The following ZNF385C variants were observed in gnomAD, a reference collection of about 807,000 sequenced individuals.
The protein encoded by ZNF385C is CTD-2132N18.2.
ZNF385C carries 28 observed loss-of-function variants against 35.4 expected under a neutral mutation model. The ratio of observed to expected loss-of-function variants is 0.79; its 90% confidence interval spans 0.59 to 1.08. The LOEUF (loss-of-function observed/expected upper bound fraction) is 1.08, where lower values mean the gene tolerates loss of function less well. Among genes scored for constraint, ZNF385C ranks in the 50% least tolerant of loss-of-function variants. ZNF385C has a pLI of 0.00. For missense variants in ZNF385C, 605 were observed against 595.6 expected (o/e 1.02, Z -0.16); for synonymous variants, 248 against 248.2 (o/e 1.00, Z 0.01).
Position 42,034,295 on chromosome 17 carries a change from C to G in ZNF385C, c.440G>C (p.Gly147Ala). Reference protein sequence around the residue: ...VQKAVISHTFGVPSPLKKKLF... With the variant: ...VQKAVISHTFAVPSPLKKKLF... Reference sequence around the variant, plus strand: ...CTTCTTCTTCAGAGGGGAGGGGACACCAAACGTGTGGCTGATGACAGCTTT... The same window carrying G: ...CTTCTTCTTCAGAGGGGAGGGGACAGCAAACGTGTGGCTGATGACAGCTTT... The change falls in exon 4 of 9, where the codon GGT becomes GCT. Residue 147 changes from glycine (G) to alanine (A), a missense_variant. Coordinates refer to ENST00000692273, the MANE Select transcript of ZNF385C (RefSeq NM_001392013.1). The G allele has an allele frequency of 1.3e-6, 2 of 1,550,620 alleles. No individual in the cohort carries two copies. Among genetic ancestry groups the G allele is most frequent in the Non-Finnish European group, 1.7e-6 (2 of 1,147,016 alleles).
Position 42,028,182 on chromosome 17 carries a change from C to T in ZNF385C, c.1032G>A (p.Pro344=), listed in dbSNP as rs781833367. The T allele has an allele frequency of 1.5e-5, 24 of 1,594,676 alleles. No individual in the cohort carries two copies. The highest frequency in any genetic ancestry group is 6.7e-5 in the East Asian group (3 of 44,552). ...RGAPRRSRGR[P]VSRGGAGHKA... ...TGTGTCCGGCACCTCCCCTGGACAC[C>T]GGGCGGCCCCGGCTCCTCCGGGGAG... Residue 344 remains proline (P), a synonymous_variant, in exon 7 of 9, where the codon CCG becomes CCA. Transcript: ENST00000692273.
chr17:42,049,208 C>A (rs1327844957), intron 2 of ZNF385C, among the ~76,000 whole-genome samples: 6 of 152,182 alleles, frequency 3.9e-5, no homozygotes. Flanking sequence ...CTTTACCTGG[C>A]CTGTTTCATT....
At position 42,095,504 on chromosome 17, in the gene ZNF385C, C is replaced by T. The variant is rs557454715; in HGVS notation, c.-3+2906G>A. Among the ~76,000 whole-genome samples, 5 of 152,134 alleles carry T rather than the reference C, an allele frequency of 3.3e-5. No homozygotes were observed. Among genetic ancestry groups the T allele is most frequent in the Admixed American group, 6.5e-5 (1 of 15,274 alleles). ...CTAGCTTCCATCCCTCCTGCTGCTGCGGCCCCATTTAGCTCTCTCCTTGCT... is the reference window on the plus strand; with the variant it reads ...CTAGCTTCCATCCCTCCTGCTGCTGTGGCCCCATTTAGCTCTCTCCTTGCT... On this transcript the variant is annotated intron_variant, in intron 1 of 8. Transcript: ENST00000692273. The surrounding 1 kb of genome is among the most constrained non-coding windows in gnomAD (Gnocchi z 4.4).
In ZNF385C at chr17:42,026,845, G is replaced by A. The variant is rs534348781; in HGVS notation, c.*52C>T. The A allele has an allele frequency of 1.1e-5, 17 of 1,503,658 alleles. No individual in the cohort carries two copies. In the East Asian group the frequency reaches 3.6e-4, roughly 32 times the overall value. 93.1% of individuals were successfully genotyped at this position (1,503,658 alleles called of 1,614,324 possible). On this transcript the variant is annotated 3_prime_UTR_variant, in exon 9 of 9. Coordinates refer to ENST00000692273, the MANE Select transcript of ZNF385C (RefSeq NM_001392013.1). Reference sequence around the variant, plus strand: ...AGGAAACCAAGGTGTCTCAGGACAGGAGGAGACAAGGAGTGGCTATTGGGA... The same window carrying A: ...AGGAAACCAAGGTGTCTCAGGACAGAAGGAGACAAGGAGTGGCTATTGGGA...
At chr17:42,084,945 T>G (rs782266300) in intron 1 of ZNF385C, among the ~76,000 whole-genome samples, 38 of 152,132 alleles carry the variant, frequency 2.5e-4, no homozygotes, top group Non-Finnish European at 5.0e-4. Context: ...GTTCAATATT[T>G]TCCATATTTT....
At chr17:42,062,694 A>C (rs1555658090) in intron 2 of ZNF385C, 113 bp downstream of exon 2, 1 of 428,292 alleles carries the variant, frequency 2.3e-6, no homozygotes, top group East Asian at 3.5e-5. Context: ...AGGGCACCCC[A>C]GACGCAAAGA....
chr17:42,072,912 G>A (rs1423921962), intron 1 of ZNF385C, among the ~76,000 whole-genome samples: 1 of 152,156 alleles, frequency 6.6e-6, no homozygotes, highest in Non-Finnish European at 1.5e-5. Flanking sequence ...CCAGAGCTCA[G>A]GGAAGGGGAC....
intron 1 of ZNF385C, among the ~76,000 whole-genome samples, chr17:42,066,554 C>T (rs1364411818): frequency 6.6e-6 from 1 of 152,084 alleles, no homozygotes; most frequent in Non-Finnish European, 1.5e-5. Context: ...TGTCATTGTG[C>T]CCAGACCATG....
intron 5 of ZNF385C, among the ~76,000 whole-genome samples, chr17:42,030,004 G>GT (rs2052690912): frequency 6.6e-6 from 1 of 151,928 alleles, no homozygotes; most frequent in Non-Finnish European, 1.5e-5. Flanking sequence ...CTCCAGCCTG[G>GT]GTGACAGAGC....
Position 42,034,273 on chromosome 17 carries a change from C to T in ZNF385C, c.462G>A (p.Lys154=), listed in dbSNP as rs1555655203. The T allele has an allele frequency of 7.1e-6, 11 of 1,550,532 alleles. No individual in the cohort carries two copies. The East Asian group carries it at 2.7e-4, about 38-fold the overall frequency. ...HTFGVPSPLK[K]KLFISCNICH... ...AGATGTTACAGGAAATGAACAGCTT[C>T]TTCTTCAGAGGGGAGGGGACACCAA... is the stretch of plus-strand genomic sequence containing the variant. The change falls in exon 4 of 9, where the codon AAG becomes AAA. Residue 154 remains lysine, a synonymous_variant. Coordinates refer to ENST00000692273, the MANE Select transcript of ZNF385C (RefSeq NM_001392013.1).
chr17:42,079,656 A>C (rs1481053810), intron 1 of ZNF385C, among the ~76,000 whole-genome samples: 1 of 152,066 alleles, frequency 6.6e-6, no homozygotes, highest in East Asian at 1.9e-4. Context: ...AAAGAGCAAG[A>C]CTGTCTTCCC....
At chr17:42,087,785 C>T (rs2053824244) in intron 1 of ZNF385C, among the ~76,000 whole-genome samples, 1 of 152,164 alleles carries the variant, frequency 6.6e-6, no homozygotes, top group African/African-American at 2.4e-5. Flanking sequence ...AACCATAGTC[C>T]TTGCCTTTTG....
intron 2 of ZNF385C, among the ~76,000 whole-genome samples, chr17:42,047,094 C>T (rs1332775895): frequency 2.7e-5 from 4 of 148,214 alleles, no homozygotes; most frequent in African/African-American, 5.0e-5. Context: ...CGCAGTGGCG[C>T]GATCTCGGCT....
rs5820441 is a variant in ZNF385C at position 42,037,378 on chromosome 17, T to TACACAC, written c.399+353_399+358dup. Among the ~76,000 whole-genome samples the TACACAC allele has an allele frequency of 2.4e-3, 349 of 144,638 alleles. 2 individuals carry two copies. The highest frequency in any genetic ancestry group is 8.5e-3 in the African/African-American group (331 of 38,820). The allele number at this position is 144,638 out of a possible 152,430, so 94.9% of individuals were successfully genotyped here. ...GAAACTACAACAAAAAGGCACAGGTTACACACACACACACACACACACACA... is the reference window on the plus strand; with the variant it reads ...GAAACTACAACAAAAAGGCACAGGTTACACACACACACACACACACACACACACACA... On this transcript the variant is annotated intron_variant, in intron 3 of 8. Transcript: ENST00000692273.
intron 2 of ZNF385C, among the ~76,000 whole-genome samples, chr17:42,055,062 T>C (rs2053351283): frequency 6.6e-6 from 1 of 152,150 alleles, no homozygotes; most frequent in Non-Finnish European, 1.5e-5. Flanking sequence ...AGCCCACAGC[T>C]GGATCCAGTC....
At chr17:42,068,580 G>A (rs1246332590) in intron 1 of ZNF385C, among the ~76,000 whole-genome samples, 3 of 152,152 alleles carry the variant, frequency 2.0e-5, no homozygotes, top group Non-Finnish European at 4.4e-5. Flanking sequence ...CCTCAAACTT[G>A]TAGGGATCAA....
At chr17:42,097,039 T>A (rs974991132) in intron 1 of ZNF385C, among the ~76,000 whole-genome samples, 1 of 148,736 alleles carries the variant, frequency 6.7e-6, no homozygotes, top group Admixed American at 6.7e-5. Context: ...TCCCTGCAGA[T>A]CGGCTTTGCT....
At chr17:42,034,363 A>G in intron 3 of ZNF385C, 28 bp from the exon 4 acceptor site, 1 of 1,527,594 alleles carries the variant, frequency 6.5e-7, no homozygotes, top group Non-Finnish European at 8.9e-7. Context: ...GGGCATAATA[A>G]CTCTGGGGTT....
intron 7 of ZNF385C, 34 bp from the exon 8 acceptor site, chr17:42,027,762 G>T: frequency 6.2e-7 from 1 of 1,601,460 alleles, no homozygotes; most frequent in Non-Finnish European, 8.5e-7. Flanking sequence ...GGAACAAGAT[G>T]ACAAAGCCCA....
Sources: gnomAD v4.1 joint callset for allele counts (sites outside exome capture counted in the v4.1 genomes callset) on GRCh38, gnomAD v4.1.1 for gene constraint, Gnocchi (gnomAD v3.1) non-coding constraint, MANE v1.5 for transcripts, NCBI Gene and HGNC (gene_info 2026-07-23, HGNC 2026-07-21) for gene names.